The following VOPP1 variants were observed in gnomAD, a reference collection of about 807,000 sequenced individuals.
VOPP1 encodes WW domain binding protein VOPP1.
In VOPP1, 8 loss-of-function variants were observed where a neutral mutation model predicts 23.5. That is an observed-to-expected ratio of 0.34 (90% confidence interval 0.20 to 0.61). VOPP1 has a LOEUF of 0.61. Among genes scored for constraint, VOPP1 ranks in the 20% least tolerant of loss-of-function variants. VOPP1 has a pLI of 0.78. For synonymous variants in VOPP1, 83 were observed against 97.3 expected, an observed-to-expected ratio of 0.85 and a Z score of 0.86; for missense variants, 174 against 238.1, an observed-to-expected ratio of 0.73 and a Z score of 1.77.
At chr7:55,530,249 TA>T (rs1319666610) in intron 1 of VOPP1, among the ~76,000 whole-genome samples, 2 of 152,148 alleles carry the variant, frequency 1.3e-5, no homozygotes, top group Non-Finnish European at 2.9e-5. Context: ...ACATCATCAC[TA>T]ACACTTATTA....
intron 1 of VOPP1, among the ~76,000 whole-genome samples, chr7:55,548,683 C>A (rs527361185): frequency 9.8e-5 from 15 of 152,364 alleles, no homozygotes; most frequent in African/African-American, 3.4e-4. Flanking sequence ...TTCTAAGGGA[C>A]TCTAACCATC....
chr7:55,445,258 CACACAG>C (rs1197350801), intron 4 of VOPP1, among the ~76,000 whole-genome samples: 78 of 107,496 alleles, frequency 7.3e-4, no homozygotes, highest in African/African-American at 2.4e-3. Context: ...CACACACACA[CACACAG>C]ACATACACAC....
chr7:55,510,570 C>CTTTTTTT (rs34545604), intron 2 of VOPP1, among the ~76,000 whole-genome samples: 7 of 119,820 alleles, frequency 5.8e-5, no homozygotes, highest in Admixed American at 8.5e-5. Context: ...AGGGCACTGG[C>CTTTTTTT]TTTTTTTTTT....
chr7:55,565,762 C>T (rs372851566), intron 1 of VOPP1, among the ~76,000 whole-genome samples: 9 of 11,232 alleles, frequency 8.0e-4, no homozygotes, highest in East Asian at 0.036. Context: ...GGTGGGAGGA[C>T]GCACTAGTAT....
rs186609418 is a variant in VOPP1 at position 55,506,787 on chromosome 7, C to T, written c.114-9097G>A. ...CCAAGTAGCTGGGATTACAGGTGTGCGCCGCCATGCCTGGCTAATTTTTGT... is the reference window on the plus strand; with the variant it reads ...CCAAGTAGCTGGGATTACAGGTGTGTGCCGCCATGCCTGGCTAATTTTTGT... On this transcript the variant is annotated intron_variant, in intron 2 of 4. Transcript: ENST00000285279. Among the ~76,000 whole-genome samples, 231 of 152,110 alleles carry T rather than the reference C, an allele frequency of 1.5e-3. 2 individuals carry two copies. The East Asian group carries it at 0.022, about 14-fold the overall frequency.
At chr7:55,487,442 G>A (rs1025709856) in intron 4 of VOPP1, among the ~76,000 whole-genome samples, 3 of 152,170 alleles carry the variant, frequency 2.0e-5, no homozygotes, top group African/African-American at 7.2e-5. Flanking sequence ...GAATTCCATA[G>A]TTGAACTCAT....
chr7:55,517,244 C>A (rs930813033), intron 2 of VOPP1, among the ~76,000 whole-genome samples: 1 of 151,458 alleles, frequency 6.6e-6, no homozygotes, highest in Non-Finnish European at 1.5e-5. Context: ...CAACCGTGCC[C>A]GGCCTAATTT....
chr7:55,518,278 A>G (rs1182995762), intron 2 of VOPP1, among the ~76,000 whole-genome samples: 3 of 152,226 alleles, frequency 2.0e-5, no homozygotes, highest in Admixed American at 1.3e-4. Context: ...ACATGCAGGG[A>G]AAGTGCTTCA....
intron 1 of VOPP1, among the ~76,000 whole-genome samples, chr7:55,532,295 AG>A (rs1350968914): frequency 6.6e-6 from 1 of 152,282 alleles, no homozygotes; most frequent in Non-Finnish European, 1.5e-5. Context: ...AACCATGGTC[AG>A]GTCACCGAAG....
At chr7:55,450,478 G>C (rs1361065793) in intron 4 of VOPP1, among the ~76,000 whole-genome samples, 1 of 152,182 alleles carries the variant, frequency 6.6e-6, no homozygotes. Flanking sequence ...AGTGTGCATT[G>C]AGTATGTGTT....
chr7:55,549,584 G>T (rs1026381811), intron 1 of VOPP1, among the ~76,000 whole-genome samples: 2 of 152,184 alleles, frequency 1.3e-5, no homozygotes, highest in African/African-American at 4.8e-5. Context: ...GCAGGTGGCC[G>T]GCAGGAGCAG....
chr7:55,554,452 A>G (rs1359635090), intron 1 of VOPP1, among the ~76,000 whole-genome samples: 1 of 152,258 alleles, frequency 6.6e-6, no homozygotes, highest in Non-Finnish European at 1.5e-5. Flanking sequence ...TCACATGGGC[A>G]GAATGGAGAA....
intron 1 of VOPP1, among the ~76,000 whole-genome samples, chr7:55,565,980 C>T (rs1562635586): frequency 6.6e-6 from 1 of 152,182 alleles, no homozygotes; most frequent in South Asian, 2.1e-4. Flanking sequence ...AACCAATCTC[C>T]GATCCCAAGA....
intron 1 of VOPP1, among the ~76,000 whole-genome samples, chr7:55,535,805 A>G (rs1796751207): frequency 6.6e-6 from 1 of 152,228 alleles, no homozygotes; most frequent in South Asian, 2.1e-4. Flanking sequence ...CAACCAGCAG[A>G]CATGCTCAGC....
chr7:55,557,930 T>G (rs1443089321), intron 1 of VOPP1, among the ~76,000 whole-genome samples: 2 of 152,210 alleles, frequency 1.3e-5, no homozygotes, highest in African/African-American at 2.4e-5. Context: ...TGAATTGGGT[T>G]TCCTATCACT....
intron 4 of VOPP1, among the ~76,000 whole-genome samples, chr7:55,475,384 G>A (rs1792163563): frequency 6.6e-6 from 1 of 152,184 alleles, no homozygotes; most frequent in Non-Finnish European, 1.5e-5. Flanking sequence ...AGCGGTGGGT[G>A]AACATGGCCG....
intron 1 of VOPP1, chr7:55,552,842 C>G: frequency 7.0e-7 from 1 of 1,428,290 alleles, no homozygotes; most frequent in Non-Finnish European, 9.1e-7. Flanking sequence ...AGAAAGGTGA[C>G]GGAGCACTAT....
intron 3 of VOPP1, among the ~76,000 whole-genome samples, chr7:55,494,613 T>C (rs62457894): frequency 0.17 from 25,137 of 152,232 alleles, 2,210 homozygotes; most frequent in Middle Eastern, 0.23. Flanking sequence ...TGATAACTTA[T>C]TCTGTTCATT....
At chr7:55,505,101 T>G (rs371085072) in intron 2 of VOPP1, among the ~76,000 whole-genome samples, 1 of 152,224 alleles carries the variant, frequency 6.6e-6, no homozygotes, top group Admixed American at 6.5e-5. Flanking sequence ...AGGCATTCAC[T>G]ATTCCTTCCA....
Sources: gnomAD v4.1 joint callset for allele counts (sites outside exome capture counted in the v4.1 genomes callset) on GRCh38, gnomAD v4.1.1 for gene constraint, MANE v1.5 for transcripts, NCBI Gene and HGNC (gene_info 2026-07-23, HGNC 2026-07-21) for gene names.